Variants in ZMYND11 observed in about 807,000 individuals in gnomAD.
The protein encoded by ZMYND11 is zinc finger MYND domain-containing protein 11.
A neutral mutation model predicts 84.9 loss-of-function variants in ZMYND11; 9 were observed. The observed-to-expected ratio is 0.11, with a 90% CI of 0.06 to 0.18. The LOEUF (loss-of-function observed/expected upper bound fraction) is 0.18, where lower values mean the gene tolerates loss of function less well. Ranked by LOEUF, ZMYND11 falls within the 10% of genes least tolerant of loss-of-function variation. The pLI, the probability that ZMYND11 is intolerant of heterozygous loss-of-function variation, is 1.00. For synonymous variants in ZMYND11, 250 were observed against 244.1 expected (o/e 1.02, Z -0.23); for missense variants, 409 against 761.0 (o/e 0.54, Z 5.44).
At chr10:157,664 A>G (rs1842024403) in intron 1 of ZMYND11, among the ~76,000 whole-genome samples, 1 of 152,180 alleles carries the variant, frequency 6.6e-6, no homozygotes, top group Non-Finnish European at 1.5e-5. Flanking sequence ...GTAAGTTCAT[A>G]ATTTTAATAG....
intron 4 of ZMYND11, among the ~76,000 whole-genome samples, chr10:223,219 G>A (rs923390179): frequency 2.6e-5 from 4 of 151,898 alleles, no homozygotes; most frequent in Non-Finnish European, 4.4e-5. Flanking sequence ...TAGTAGAGAC[G>A]GGGTTTTGTC....
intron 2 of ZMYND11, among the ~76,000 whole-genome samples, chr10:205,701 A>C (rs144533299): frequency 6.6e-6 from 1 of 152,078 alleles, no homozygotes; most frequent in Non-Finnish European, 1.5e-5. Context: ...AAAATAAAAA[A>C]TAAAAAAAAA....
At chr10:161,695 A>T (rs1554761910) in intron 1 of ZMYND11, among the ~76,000 whole-genome samples, 1 of 152,152 alleles carries the variant, frequency 6.6e-6, no homozygotes, top group Non-Finnish European at 1.5e-5. Context: ...GAATAACCTC[A>T]TGAATCTACC....
chr10:239,449 A>G lies in ZMYND11; in HGVS notation c.621A>G (p.Glu207=). Residue 207 remains glutamate (E), a synonymous_variant, in exon 7 of 15, where the codon GAA becomes GAG. Transcript: ENST00000381604. The part of the protein sequence containing the change: ...DVPTIQEKVN[E]GKYRSYEEFK... Reference sequence around the variant, plus strand: ...TTTGCCCTCTGCAGAAAGTGAATGAAGGGAAATACCGAAGTTATGAAGAGT... The same window carrying G: ...TTTGCCCTCTGCAGAAAGTGAATGAGGGGAAATACCGAAGTTATGAAGAGT... 6.2e-7 allele frequency: 1 copy of G among 1,613,400 alleles called. No homozygotes were observed. Among genetic ancestry groups the G allele is most frequent in the South Asian group, 1.1e-5 (1 of 90,820 alleles).
chr10:176,221 T>A (rs1483298075), intron 1 of ZMYND11, among the ~76,000 whole-genome samples: 1 of 152,196 alleles, frequency 6.6e-6, no homozygotes, highest in Non-Finnish European at 1.5e-5. Flanking sequence ...GGATAGAGAA[T>A]ATCAGTATCA....
rs149352965 is a variant in ZMYND11, at chr10:239,042, C to T, written c.610-396C>T. Among the ~76,000 whole-genome samples the T allele has an allele frequency of 3.9e-4, 59 of 152,316 alleles. 1 individual carries two copies. The East Asian group carries it at 8.9e-3, about 23-fold the overall frequency. ...TCACAGAGGCTAACAGTTCTGTTTT[C>T]AATCTCGATCCTCCTGTGTTGTAAA... On this transcript the variant is annotated intron_variant, in intron 6 of 14. Transcript: ENST00000381604.
intron 4 of ZMYND11, among the ~76,000 whole-genome samples, chr10:222,580 AAGG>A (rs1362286315): frequency 6.6e-6 from 1 of 152,184 alleles, no homozygotes; most frequent in Non-Finnish European, 1.5e-5. Flanking sequence ...ATTTGGAGCA[AAGG>A]AGCTGTATTA....
chr10:134,269 G>C (rs372859490), upstream of ZMYND11, among the ~76,000 whole-genome samples: 14 of 152,284 alleles, frequency 9.2e-5, no homozygotes, highest in East Asian at 1.5e-3. Context: ...AAAACACCTT[G>C]CTGTCCTGTA....
intron 2 of ZMYND11, among the ~76,000 whole-genome samples, chr10:206,996 A>G (rs1944311195): frequency 6.6e-6 from 1 of 151,560 alleles, no homozygotes; most frequent in African/African-American, 2.4e-5. Flanking sequence ...CACTCCCCCG[A>G]CCCCACAACA....
chr10:177,775 T>G (rs1846982171), intron 1 of ZMYND11, among the ~76,000 whole-genome samples: 1 of 152,182 alleles, frequency 6.6e-6, no homozygotes, highest in African/African-American at 2.4e-5. Context: ...CCTATATGTA[T>G]TATTCTTCAG....
At chr10:137,505 T>C (rs1176956823) in intron 1 of ZMYND11, among the ~76,000 whole-genome samples, 3 of 152,200 alleles carry the variant, frequency 2.0e-5, no homozygotes, top group African/African-American at 7.2e-5. Context: ...CTGAGAAATA[T>C]AGTAATTTTA....
At chr10:250,435 C>G (rs1307030253) in intron 14 of ZMYND11, among the ~76,000 whole-genome samples, 1 of 152,184 alleles carries the variant, frequency 6.6e-6, no homozygotes, top group African/African-American at 2.4e-5. Context: ...TGCAAGGTTG[C>G]AGAGAGGTGT....
chr10:160,885 A>C (rs1234351600), intron 1 of ZMYND11, among the ~76,000 whole-genome samples: 14 of 151,818 alleles, frequency 9.2e-5, no homozygotes, highest in Non-Finnish European at 2.1e-4. Context: ...CAGAGGAATC[A>C]CTATATTAGC....
intron 1 of ZMYND11, among the ~76,000 whole-genome samples, chr10:172,518 T>G (rs1845589955): frequency 6.6e-6 from 1 of 152,080 alleles, no homozygotes; most frequent in South Asian, 2.1e-4. Context: ...ACCCCCGAAA[T>G]GAAATGCTTA....
Position 252,617 on chromosome 10 carries a change from T to C in ZMYND11, c.*147T>C. 1 of 1,151,754 alleles carries C rather than the reference T, an allele frequency of 8.7e-7. No individual in the cohort carries two copies. Among genetic ancestry groups the C allele is most frequent in the Non-Finnish European group, 1.2e-6 (1 of 862,530 alleles). The allele number at this position is 1,151,754 out of a possible 1,614,324, so 71.3% of individuals were successfully genotyped here. ...TCGTGAAGAAATTTTGCACAGTAGT[T>C]TAAATCTTTTGTTAATGCTCCTCCG... On this transcript the variant is annotated 3_prime_UTR_variant, in exon 15 of 15. Transcript: ENST00000381604. This position sits in a 1 kb window ranked among gnomAD's most constrained non-coding sequence, Gnocchi z 4.6.
chr10:209,048 T>TAG (rs1291198432), intron 2 of ZMYND11, among the ~76,000 whole-genome samples: 14 of 151,864 alleles, frequency 9.2e-5, no homozygotes, highest in Non-Finnish European at 2.1e-4. Context: ...TATATATATA[T>TAG]ATAGAGAGAG....
intron 1 of ZMYND11, among the ~76,000 whole-genome samples, chr10:166,027 T>G (rs1037359326): frequency 3.3e-5 from 5 of 152,110 alleles, no homozygotes; most frequent in African/African-American, 9.7e-5. Context: ...CATCAACAGT[T>G]GGTGCCAAGA....
At chr10:167,932 C>A (rs1194659124) in intron 1 of ZMYND11, among the ~76,000 whole-genome samples, 4 of 152,032 alleles carry the variant, frequency 2.6e-5, no homozygotes, top group South Asian at 2.1e-4. Flanking sequence ...CTCTGTGATT[C>A]TTTTTATTTT....
chr10:249,854 A>G (rs1476317381), intron 14 of ZMYND11: 1 of 854,286 alleles, frequency 1.2e-6, no homozygotes, highest in Non-Finnish European at 1.4e-6. Context: ...TGAAAGAAAT[A>G]TTTTTAAATC....
Sources: allele counts gnomAD v4.1 joint callset (sites outside exome capture counted in the v4.1 genomes callset), GRCh38; gene constraint gnomAD v4.1.1; non-coding constraint Gnocchi (gnomAD v3.1); transcripts MANE v1.5; gene names NCBI Gene and HGNC (gene_info 2026-07-23, HGNC 2026-07-21).